The following DGKI variants were observed in gnomAD, a reference collection of about 807,000 sequenced individuals.
DGKI encodes DAG kinase iota.
DGKI carries 55 observed loss-of-function variants against 147.5 expected under a neutral mutation model. The observed-to-expected ratio is 0.37, with a 90% CI of 0.30 to 0.47. The LOEUF (loss-of-function observed/expected upper bound fraction) is 0.47, where lower values mean the gene tolerates loss of function less well. Ranked by LOEUF, DGKI falls within the 20% of genes least tolerant of loss-of-function variation. DGKI has a pLI of 1.00. For missense variants in DGKI, 1,007 were observed against 1,323.8 expected (o/e 0.76, Z 3.71); for synonymous variants, 469 against 477.1 (o/e 0.98, Z 0.22).
intron 1 of DGKI, among the ~76,000 whole-genome samples, chr7:137,819,658 G>A (rs1008494707): frequency 4.6e-5 from 7 of 152,102 alleles, no homozygotes; most frequent in African/African-American, 1.7e-4. Context: ...TACTCATTTA[G>A]CAAATATTTG....
intron 1 of DGKI, among the ~76,000 whole-genome samples, chr7:137,843,960 C>T (rs990503526): frequency 2.0e-5 from 3 of 152,220 alleles, no homozygotes; most frequent in Non-Finnish European, 4.4e-5. Flanking sequence ...TCAGTCCTTT[C>T]ACTCAGACTC....
At chr7:137,512,022 C>G (rs1318736988) in intron 21 of DGKI, among the ~76,000 whole-genome samples, 2 of 152,208 alleles carry the variant, frequency 1.3e-5, no homozygotes, top group East Asian at 3.9e-4. Flanking sequence ...TTGCCCTGCA[C>G]AGCTGTGGTT....
intron 27 of DGKI, among the ~76,000 whole-genome samples, chr7:137,463,249 A>G (rs1400200456): frequency 6.6e-6 from 1 of 152,232 alleles, no homozygotes; most frequent in African/African-American, 2.4e-5. Context: ...GTGGAGGTCC[A>G]CGTGCAAGGG....
At chr7:137,612,303 C>A (rs1585284918) in intron 8 of DGKI, among the ~76,000 whole-genome samples, 1 of 147,706 alleles carries the variant, frequency 6.8e-6, no homozygotes, top group Non-Finnish European at 1.5e-5. Context: ...GCATCTGAGG[C>A]CTTCTTCACT....
At chr7:137,713,820 G>C (rs2116578316) in intron 1 of DGKI, among the ~76,000 whole-genome samples, 1 of 152,104 alleles carries the variant, frequency 6.6e-6, no homozygotes, top group East Asian at 1.9e-4. Flanking sequence ...CTATTTATTT[G>C]TAGATATGGG....
At chr7:137,703,760 GAGA>G (rs1480500080) in intron 1 of DGKI, among the ~76,000 whole-genome samples, 1 of 152,192 alleles carries the variant, frequency 6.6e-6, no homozygotes, top group Non-Finnish European at 1.5e-5. Context: ...AGAGAAGTGA[GAGA>G]AGATCTGATT....
intron 28 of DGKI, among the ~76,000 whole-genome samples, chr7:137,432,950 G>A (rs1355984095): frequency 6.6e-6 from 1 of 152,196 alleles, no homozygotes; most frequent in Non-Finnish European, 1.5e-5. Context: ...AAAGGCTTCA[G>A]CAATGAACTT....
chr7:137,522,009 G>A (rs373711474), intron 20 of DGKI, 43 bp from the exon 21 acceptor site: 82 of 1,448,376 alleles, frequency 5.7e-5, no homozygotes, highest in East Asian at 2.8e-4. Context: ...ATGAGAGAGC[G>A]GAATTGGTAG....
chr7:137,387,819 CATGTA>C lies in DGKI; in HGVS notation c.*3396_*3400del, dbSNP rs2128890912. 1 of 152,162 alleles carries C rather than the reference CATGTA, an allele frequency of 6.6e-6. No homozygotes were observed. The highest frequency in any genetic ancestry group is 1.9e-4 in the East Asian group (1 of 5,172). 9.4% of individuals were successfully genotyped at this position (152,162 alleles called of 1,614,324 possible). A position where few individuals can be genotyped will look rare whatever the true frequency, so the allele number is the denominator to read the frequency against. ...CCCTAAATATTATTAATAAAATTGA[CATGTA>C]ATAAAATAAAGATGCTGTGTCATTT... On this transcript the variant is annotated 3_prime_UTR_variant, in exon 33 of 33. Transcript: ENST00000614521.
intron 20 of DGKI, among the ~76,000 whole-genome samples, chr7:137,534,866 A>C (rs1817464948): frequency 6.6e-6 from 1 of 152,132 alleles, no homozygotes. Context: ...CAGGGTCTTT[A>C]CAGAAGTAAT....
chr7:137,461,364 A>C (rs560991520), intron 27 of DGKI, among the ~76,000 whole-genome samples: 1 of 152,348 alleles, frequency 6.6e-6, no homozygotes, highest in East Asian at 1.9e-4. Flanking sequence ...TTATGATACA[A>C]AGCAAGTGGG....
At position 137,431,613 on chromosome 7, in the gene DGKI, T is replaced by A. The variant is rs528814586; in HGVS notation, c.2761+12464A>T. 1.8e-4 allele frequency among the ~76,000 whole-genome samples: 27 copies of A among 152,334 alleles called. No individual in the cohort carries two copies. The South Asian group carries it at 5.4e-3, about 30-fold the overall frequency. On this transcript the variant is annotated intron_variant, in intron 28 of 32. Transcript: ENST00000614521. ...AAGCAGAAATCCCTACAGGAACTCC[T>A]TAGAGAGCAGGGCACAGGTATCTCC...
chr7:137,450,305 A>G (rs190664576), intron 27 of DGKI, among the ~76,000 whole-genome samples: 10 of 152,358 alleles, frequency 6.6e-5, no homozygotes, highest in African/African-American at 2.2e-4. Flanking sequence ...AATAAAATTT[A>G]TAACTATGCA....
chr7:137,406,451 T>A (rs1475303280), intron 30 of DGKI, among the ~76,000 whole-genome samples: 1 of 152,010 alleles, frequency 6.6e-6, no homozygotes, highest in Admixed American at 6.6e-5. Flanking sequence ...CTACAAGGAG[T>A]AAAGAAATGC....
At chr7:137,417,533 C>T (rs1261674033) in intron 28 of DGKI, among the ~76,000 whole-genome samples, 2 of 152,176 alleles carry the variant, frequency 1.3e-5, no homozygotes, top group East Asian at 1.9e-4. Flanking sequence ...AGTCTGGGCT[C>T]TCAAGAGTCT....
chr7:137,826,427 AAG>A (rs994200005), intron 1 of DGKI, among the ~76,000 whole-genome samples: 2 of 152,214 alleles, frequency 1.3e-5, no homozygotes, highest in Admixed American at 6.5e-5. Flanking sequence ...TATGTCTGAA[AAG>A]AGTGTGTGGT....
intron 23 of DGKI, among the ~76,000 whole-genome samples, chr7:137,471,040 A>G (rs1000705817): frequency 1.3e-5 from 2 of 152,226 alleles, no homozygotes; most frequent in African/African-American, 4.8e-5. Flanking sequence ...TCTCTTTAAG[A>G]TTCCAAACTT....
chr7:137,712,747 A>T (rs755137697), intron 1 of DGKI, among the ~76,000 whole-genome samples: 1 of 152,244 alleles, frequency 6.6e-6, no homozygotes, highest in Non-Finnish European at 1.5e-5. Flanking sequence ...TTATTCCAAC[A>T]GCAACAAGTT....
intron 5 of DGKI, among the ~76,000 whole-genome samples, chr7:137,646,715 T>C (rs1011464884): frequency 1.3e-5 from 2 of 152,212 alleles, no homozygotes; most frequent in Non-Finnish European, 2.9e-5. Flanking sequence ...CCTTATTTTC[T>C]CTTTAAAAAC....
Sources: gnomAD v4.1 joint callset for allele counts (sites outside exome capture counted in the v4.1 genomes callset) on GRCh38, gnomAD v4.1.1 for gene constraint, MANE v1.5 for transcripts, NCBI Gene and HGNC (gene_info 2026-07-23, HGNC 2026-07-21) for gene names.